Variants in LUZP2 observed in about 807,000 individuals in gnomAD.
LUZP2 encodes the protein leucine zipper protein 2.
In LUZP2, 52 loss-of-function variants were observed where a neutral mutation model predicts 51.6. The observed-to-expected ratio is 1.01, with a 90% confidence interval of 0.81 to 1.27. LUZP2 has a LOEUF of 1.27. Among genes scored for constraint, LUZP2 ranks in the 50% most tolerant of loss-of-function variants. The probability of loss-of-function intolerance (pLI) is 0.00; values close to 1 mark genes in which losing one functional copy is unlikely to be tolerated. For synonymous variants in LUZP2, 154 were observed against 137.3 expected (o/e 1.12, Z -0.85); for missense variants, 436 against 395.4 (o/e 1.10, Z -0.87).
At chr11:24,776,397 A>G (rs1414601061) in intron 5 of LUZP2, among the ~76,000 whole-genome samples, 1 of 152,146 alleles carries the variant, frequency 6.6e-6, no homozygotes, top group African/African-American at 2.4e-5. Flanking sequence ...CCTGAGTCAC[A>G]TTTCTGCTCT....
intron 1 of LUZP2, among the ~76,000 whole-genome samples, chr11:24,690,515 T>A (rs4131780): frequency 0.5 from 75,903 of 151,878 alleles, 19,252 homozygotes; most frequent in Middle Eastern, 0.61. Flanking sequence ...TAATATTTGC[T>A]AAAGTAAAAT....
intron 9 of LUZP2, among the ~76,000 whole-genome samples, chr11:25,004,984 C>T (rs537589036): frequency 4.6e-5 from 7 of 152,120 alleles, no homozygotes; most frequent in South Asian, 2.1e-4. Context: ...CAAGTGAGAT[C>T]GAAGGTTTGC....
intron 9 of LUZP2, among the ~76,000 whole-genome samples, chr11:25,040,342 G>GGTTTTTTTTTTTTT (rs1491549909): frequency 5.9e-5 from 2 of 34,028 alleles, no homozygotes; most frequent in African/African-American, 3.4e-4. Context: ...CTTTCTTTCC[G>GGTTTTTTTTTTTTT]ATTTTTTTTT....
chr11:24,732,053 C>A lies in LUZP2; in HGVS notation c.181-65C>A, dbSNP rs546975666. On this transcript the variant is annotated intron_variant, in intron 2 of 11. Coordinates refer to ENST00000336930, the MANE Select transcript of LUZP2 (RefSeq NM_001009909.4). The stretch of plus-strand genomic sequence containing the variant: ...GCAGTCCTATCTAGTACTCTAGAAC[C>A]AAAGTTAAAGTGAGTCTCAATTTCT... 16 of 1,278,072 alleles carry A rather than the reference C, an allele frequency of 1.3e-5. No homozygotes were observed. The South Asian group carries it at 1.5e-4, about 12-fold the overall frequency. The allele number at this position is 1,278,072 out of a possible 1,614,324, so 79.2% of individuals were successfully genotyped here.
chr11:24,988,790 C>T (rs1470998204), intron 9 of LUZP2, among the ~76,000 whole-genome samples: 4 of 151,890 alleles, frequency 2.6e-5, no homozygotes, highest in Non-Finnish European at 2.9e-5. Context: ...TAGGGATATA[C>T]GTGCTATATT....
At chr11:24,677,293 C>T (rs995252739) in intron 1 of LUZP2, among the ~76,000 whole-genome samples, 4 of 152,044 alleles carry the variant, frequency 2.6e-5, no homozygotes, top group Non-Finnish European at 5.9e-5. Context: ...CATTTTTGCC[C>T]TTATAATAAA....
intron 1 of LUZP2, among the ~76,000 whole-genome samples, chr11:24,613,048 A>G (rs1300324672): frequency 1.3e-5 from 2 of 152,112 alleles, no homozygotes; most frequent in Non-Finnish European, 2.9e-5. Flanking sequence ...AGAATTTCAC[A>G]ATAAACATTT....
intron 1 of LUZP2, among the ~76,000 whole-genome samples, chr11:24,574,250 TTC>T (rs1491572604): frequency 3.7e-4 from 1 of 2,706 alleles, no homozygotes; most frequent in Non-Finnish European, 1.7e-3. Flanking sequence ...CTTTCTTTCT[TTC>T]TTTCTTTCTT....
chr11:24,981,560 G>T (rs568259299), intron 8 of LUZP2, among the ~76,000 whole-genome samples: 2 of 151,842 alleles, frequency 1.3e-5, no homozygotes, highest in South Asian at 4.2e-4. Flanking sequence ...TGGGAATGCA[G>T]CCCAGTAGGT....
At chr11:24,820,164 G>A (rs555084198) in intron 5 of LUZP2, among the ~76,000 whole-genome samples, 13 of 152,236 alleles carry the variant, frequency 8.5e-5, no homozygotes, top group South Asian at 2.1e-4. Flanking sequence ...ATAGGTGAAC[G>A]CATACAGTGA....
intron 9 of LUZP2, among the ~76,000 whole-genome samples, chr11:25,023,894 C>T (rs1057500586): frequency 5.3e-4 from 81 of 152,198 alleles, no homozygotes; most frequent in Middle Eastern, 6.8e-3. Flanking sequence ...GTTATGTACC[C>T]ATTAGTCATT....
intron 5 of LUZP2, among the ~76,000 whole-genome samples, chr11:24,767,501 G>T (rs563948042): frequency 5.3e-5 from 8 of 152,136 alleles, no homozygotes; most frequent in Non-Finnish European, 1.0e-4. Flanking sequence ...GCTGTATTTG[G>T]TCGATCCCAC....
intron 1 of LUZP2, among the ~76,000 whole-genome samples, chr11:24,622,145 A>G (rs1446421859): frequency 1.3e-5 from 2 of 151,254 alleles, no homozygotes; most frequent in African/African-American, 4.9e-5. Flanking sequence ...TATTATTATT[A>G]TACTTTAAGT....
At chr11:25,014,868 G>A (rs1175567421) in intron 9 of LUZP2, among the ~76,000 whole-genome samples, 1 of 121,448 alleles carries the variant, frequency 8.2e-6, no homozygotes, top group Admixed American at 8.9e-5. Context: ...TTCTTCTAGG[G>A]TTTTTATGGT....
rs1338257408 is a variant in LUZP2 at position 25,081,399 on chromosome 11, AC to A, written c.*2742del. 6.6e-6 allele frequency: 1 copy of A among 151,206 alleles called. No homozygotes were observed. The highest frequency in any genetic ancestry group is 1.5e-5 in the Non-Finnish European group (1 of 67,870). The allele number at this position is 151,206 out of a possible 1,614,324, so 9.4% of individuals were successfully genotyped here. A position where few individuals can be genotyped will look rare whatever the true frequency, so the allele number is the denominator to read the frequency against. On this transcript the variant is annotated 3_prime_UTR_variant, in exon 12 of 12. Transcript: ENST00000336930. ...CATCCAGCAAAGTTTACTGTGTTAT[AC>A]TCATTGCATCATTTGTTTAAAAAAA...
chr11:24,799,818 A>G (rs75105992), intron 5 of LUZP2, among the ~76,000 whole-genome samples: 2,273 of 152,330 alleles, frequency 0.015, 27 homozygotes, highest in Non-Finnish European at 0.023. Context: ...AGTTACTATT[A>G]GAATACAAAA....
chr11:24,616,831 C>A (rs1017005497), intron 1 of LUZP2, among the ~76,000 whole-genome samples: 3 of 152,046 alleles, frequency 2.0e-5, no homozygotes, highest in African/African-American at 4.8e-5. Context: ...AAAAATGTTC[C>A]TAAGATTTTG....
intron 1 of LUZP2, among the ~76,000 whole-genome samples, chr11:24,683,534 A>G (rs1449521199): frequency 6.6e-6 from 1 of 152,202 alleles, no homozygotes; most frequent in Admixed American, 6.5e-5. Context: ...TTAAATTTGC[A>G]TAATTTATTT....
intron 7 of LUZP2, among the ~76,000 whole-genome samples, chr11:24,971,882 G>A (rs1855747418): frequency 6.6e-6 from 1 of 152,014 alleles, no homozygotes. Context: ...GCTCATGCTT[G>A]TAATCCCAGC....
Sources: allele counts gnomAD v4.1 joint callset (sites outside exome capture counted in the v4.1 genomes callset), GRCh38; gene constraint gnomAD v4.1.1; transcripts MANE v1.5; gene names NCBI Gene and HGNC (gene_info 2026-07-23, HGNC 2026-07-21).